NTRK3: variants seen among roughly 807,000 people sequenced by gnomAD.
The protein encoded by NTRK3 is neurotrophic receptor tyrosine kinase 3.
A neutral mutation model predicts 91.7 loss-of-function variants in NTRK3; 24 were observed. The observed-to-expected ratio is 0.26, with a 90% CI of 0.19 to 0.37. The LOEUF is 0.37. Among genes scored for constraint, NTRK3 ranks in the 10% least tolerant of loss-of-function variants. The pLI is 1.00. For missense variants in NTRK3, 880 were observed against 1,068.9 expected, an observed-to-expected ratio of 0.82 and a Z score of 2.46; for synonymous variants, 483 against 404.0, an observed-to-expected ratio of 1.20 and a Z score of -2.34.
intron 5 of NTRK3, among the ~76,000 whole-genome samples, chr15:88,149,725 C>T (rs1323275380): frequency 1.3e-5 from 2 of 152,218 alleles, no homozygotes; most frequent in African/African-American, 4.8e-5. Context: ...GGAGACCAGA[C>T]ACACACTCCC....
intron 17 of NTRK3, among the ~76,000 whole-genome samples, chr15:87,893,114 G>A (rs2065930286): frequency 6.6e-6 from 1 of 152,140 alleles, no homozygotes; most frequent in African/African-American, 2.4e-5. Context: ...AACATTTCAA[G>A]ACCACAGGTA....
At chr15:88,109,588 A>G (rs569536672) in intron 13 of NTRK3, among the ~76,000 whole-genome samples, 8 of 152,180 alleles carry the variant, frequency 5.3e-5, no homozygotes, top group African/African-American at 1.9e-4. Context: ...CATCCCTCCT[A>G]TTCCTTTAAA....
chr15:88,142,455 C>T lies in NTRK3; in HGVS notation c.464+4880G>A, dbSNP rs144641027. On this transcript the variant is annotated intron_variant, in intron 6 of 18. Coordinates refer to ENST00000394480, the Ensembl canonical transcript of NTRK3. ...TTGTAAGGACAGGCACTTTGCAGCACAGCCAAGGCCACCACTGGATATTTA... is the reference window on the plus strand; with the variant it reads ...TTGTAAGGACAGGCACTTTGCAGCATAGCCAAGGCCACCACTGGATATTTA... 3.1e-3 allele frequency among the ~76,000 whole-genome samples: 479 copies of T among 152,370 alleles called. 1 individual carries two copies. The highest frequency in any genetic ancestry group is 7.1e-3 in the Admixed American group (109 of 15,306).
In NTRK3 at chr15:87,928,860, T is replaced by G. The variant is rs911705220; in HGVS notation, c.2133+331A>C. On this transcript the variant is annotated intron_variant, in intron 17 of 18. Coordinates refer to ENST00000394480, the Ensembl canonical transcript of NTRK3. ...GTATCAAGTTGGGTGTGTCTGTGTG[T>G]GTGTTTGGGCACATACATATACATG... 20 of 506,006 alleles carry G rather than the reference T, an allele frequency of 4.0e-5. No homozygotes were observed. In the East Asian group the frequency reaches 6.8e-4, roughly 17 times the overall value. The allele number at this position is 506,006 out of a possible 1,614,324, so 31.3% of individuals were successfully genotyped here.
intron 17 of NTRK3, among the ~76,000 whole-genome samples, chr15:87,894,812 TTCC>T (rs2066026631): frequency 6.6e-6 from 1 of 152,136 alleles, no homozygotes; most frequent in Admixed American, 6.5e-5. Context: ...GTTCCTACCT[TTCC>T]TCCTCCTCCC....
chr15:88,167,382 A>C (rs543941144), intron 5 of NTRK3, among the ~76,000 whole-genome samples: 34 of 152,148 alleles, frequency 2.2e-4, no homozygotes, highest in Middle Eastern at 3.4e-3. Context: ...GCAGCATAGG[A>C]AACAGCCCAG....
At chr15:88,116,636 G>A (rs764133813) in intron 13 of NTRK3, among the ~76,000 whole-genome samples, 1 of 152,170 alleles carries the variant, frequency 6.6e-6, no homozygotes, top group Non-Finnish European at 1.5e-5. Context: ...ATGGTCCACA[G>A]AGCAGCATTG....
At chr15:88,106,532 T>C (rs182947378) in intron 13 of NTRK3, among the ~76,000 whole-genome samples, 1 of 152,344 alleles carries the variant, frequency 6.6e-6, no homozygotes, top group African/African-American at 2.4e-5. Flanking sequence ...ACAGGGTTAC[T>C]GAATGACACG....
At chr15:88,179,321 G>C (rs1440321186) in intron 5 of NTRK3, among the ~76,000 whole-genome samples, 2 of 152,204 alleles carry the variant, frequency 1.3e-5, no homozygotes, top group African/African-American at 2.4e-5. Context: ...ATGAGCTATA[G>C]TGGAAAGATT....
At chr15:88,145,623 A>T (rs1214994530) in intron 6 of NTRK3, among the ~76,000 whole-genome samples, 1 of 152,210 alleles carries the variant, frequency 6.6e-6, no homozygotes, top group Non-Finnish European at 1.5e-5. Context: ...GGGCAGCAGC[A>T]CACCATTGAT....
intron 14 of NTRK3, among the ~76,000 whole-genome samples, chr15:88,003,060 G>A (rs1350574764): frequency 6.6e-6 from 1 of 152,154 alleles, no homozygotes; most frequent in Non-Finnish European, 1.5e-5. Flanking sequence ...AGAGCAAAGG[G>A]CATGCTTAAG....
At chr15:88,133,367 C>CT (rs1333186648) in intron 10 of NTRK3, among the ~76,000 whole-genome samples, 3 of 152,122 alleles carry the variant, frequency 2.0e-5, no homozygotes, top group Admixed American at 6.5e-5. Context: ...ACTGCTGCTG[C>CT]TACCCCACAC....
At chr15:88,093,702 G>A (rs2049266145) in intron 13 of NTRK3, among the ~76,000 whole-genome samples, 1 of 152,120 alleles carries the variant, frequency 6.6e-6, no homozygotes, top group Non-Finnish European at 1.5e-5. Flanking sequence ...GGCATAATCT[G>A]CCATGAGCAC....
intron 13 of NTRK3, among the ~76,000 whole-genome samples, chr15:88,076,672 T>TAAAAAAAAAAAAA (rs34053167): frequency 3.3e-5 from 4 of 120,408 alleles, no homozygotes; most frequent in Non-Finnish European, 5.3e-5. Flanking sequence ...TATACATATG[T>TAAAAAAAAAAAAA]AAAAAAAAAA....
At chr15:88,137,619 C>G in intron 6 of NTRK3, 58 bp from the exon 7 acceptor site, 1 of 1,580,680 alleles carries the variant, frequency 6.3e-7, no homozygotes, top group Non-Finnish European at 8.6e-7. Flanking sequence ...CCAGGACCCT[C>G]CCAGGGCTAT....
chr15:87,957,703 G>A (rs986898531), intron 14 of NTRK3, among the ~76,000 whole-genome samples: 1 of 152,214 alleles, frequency 6.6e-6, no homozygotes, highest in Non-Finnish European at 1.5e-5. Flanking sequence ...TCACAGAAGT[G>A]AGAAATAAGT....
At chr15:88,242,204 C>T (rs2052425709) in intron 3 of NTRK3, among the ~76,000 whole-genome samples, 1 of 152,210 alleles carries the variant, frequency 6.6e-6, no homozygotes, top group Admixed American at 6.5e-5. Flanking sequence ...CCCAAATCTT[C>T]ATCTCACACA....
intron 6 of NTRK3, among the ~76,000 whole-genome samples, chr15:88,141,462 G>A (rs2151264431): frequency 6.6e-6 from 1 of 152,346 alleles, no homozygotes; most frequent in East Asian, 1.9e-4. Flanking sequence ...GGGCTGCAAG[G>A]AGAGGCCTGG....
At chr15:88,106,522 A>G (rs987266783) in intron 13 of NTRK3, among the ~76,000 whole-genome samples, 4 of 152,250 alleles carry the variant, frequency 2.6e-5, no homozygotes, top group African/African-American at 7.2e-5. Context: ...AAAGCTAGAG[A>G]CAGGGTTACT....
Sources: allele counts gnomAD v4.1 joint callset (sites outside exome capture counted in the v4.1 genomes callset), GRCh38; gene constraint gnomAD v4.1.1; transcripts MANE v1.5; gene names NCBI Gene and HGNC (gene_info 2026-07-23, HGNC 2026-07-21).